The following MYO1D variants were observed in gnomAD, a reference collection of about 807,000 sequenced individuals.
The protein encoded by MYO1D is unconventional myosin-Id.
MYO1D carries 83 observed loss-of-function variants against 122.0 expected under a neutral mutation model. The ratio of observed to expected loss-of-function variants is 0.68; its 90% CI spans 0.57 to 0.82. The LOEUF (loss-of-function observed/expected upper bound fraction) is 0.82. Among genes scored for constraint, MYO1D ranks in the 40% least tolerant of loss-of-function variants. The pLI is 0.00. For missense variants in MYO1D, 1,157 were observed against 1,269.5 expected, an observed-to-expected ratio of 0.91 and a Z score of 1.35; for synonymous variants, 464 against 446.9, an observed-to-expected ratio of 1.04 and a Z score of -0.48.
chr17:32,725,342 AACCCCGT>A (rs2089559039), intron 14 of MYO1D, among the ~76,000 whole-genome samples: 1 of 152,030 alleles, frequency 6.6e-6, no homozygotes, highest in African/African-American at 2.4e-5. Context: ...AACATGGTGA[AACCCCGT>A]TTCTACTAAA....
intron 1 of MYO1D, among the ~76,000 whole-genome samples, chr17:32,809,020 C>T (rs1030159363): frequency 5.9e-5 from 9 of 151,750 alleles, no homozygotes; most frequent in Non-Finnish European, 1.3e-4. Context: ...CACATGCACA[C>T]ACATATGTAT....
chr17:32,619,587 TA>T (rs2087828456), intron 20 of MYO1D, among the ~76,000 whole-genome samples: 1 of 152,180 alleles, frequency 6.6e-6, no homozygotes, highest in Non-Finnish European at 1.5e-5. Flanking sequence ...CTGCAGTTTG[TA>T]AAAGCTCCCC....
In MYO1D at chr17:32,574,087, C is replaced by T. The variant is rs868183508; in HGVS notation, c.2864+31000G>A. Among the ~76,000 whole-genome samples the T allele has an allele frequency of 1.0e-4, 15 of 150,096 alleles. No homozygotes were observed. In the South Asian group the frequency reaches 1.9e-3, roughly 19 times the overall value. On this transcript the variant is annotated intron_variant, in intron 21 of 21. Coordinates refer to ENST00000318217, the MANE Select transcript of MYO1D (RefSeq NM_015194.3). ...CAGGATGGTCTCGATCTCCTGACCTCGTGATCCGTCCGCCTCAGCCTCCCA... is the reference window on the plus strand; with the variant it reads ...CAGGATGGTCTCGATCTCCTGACCTTGTGATCCGTCCGCCTCAGCCTCCCA...
chr17:32,781,954 G>C (rs1035319), intron 1 of MYO1D, among the ~76,000 whole-genome samples: 4,136 of 152,266 alleles, frequency 0.027, 136 homozygotes, highest in East Asian at 0.19. Context: ...TACCAGCTGA[G>C]AGATACTGGT....
intron 14 of MYO1D, among the ~76,000 whole-genome samples, chr17:32,726,157 G>A (rs956132823): frequency 2.6e-5 from 4 of 152,160 alleles, no homozygotes; most frequent in East Asian, 1.9e-4. Context: ...AGTGGCTCAC[G>A]CCTGTAATCC....
At chr17:32,731,256 C>T (rs1310913304) in intron 14 of MYO1D, among the ~76,000 whole-genome samples, 1 of 152,178 alleles carries the variant, frequency 6.6e-6, no homozygotes, top group African/African-American at 2.4e-5. Context: ...AAGTGGAATT[C>T]TGGATAATCC....
chr17:32,721,271 T>C (rs1196745441), intron 14 of MYO1D, 82 bp from the exon 15 acceptor site: 2 of 1,313,730 alleles, frequency 1.5e-6, no homozygotes, highest in Non-Finnish European at 2.1e-6. Context: ...TTAGTGTTAA[T>C]TGTGTCAAGT....
At chr17:32,623,691 G>C (rs1159352727) in intron 20 of MYO1D, among the ~76,000 whole-genome samples, 1 of 152,116 alleles carries the variant, frequency 6.6e-6, no homozygotes, top group Non-Finnish European at 1.5e-5. Flanking sequence ...AGTCCATTTA[G>C]GTGGCTATGA....
intron 21 of MYO1D, among the ~76,000 whole-genome samples, chr17:32,500,802 C>T (rs1352277330): frequency 2.0e-5 from 3 of 152,046 alleles, no homozygotes; most frequent in African/African-American, 7.2e-5. Flanking sequence ...GTCAGGAGAT[C>T]GAGACCATCC....
intron 4 of MYO1D, among the ~76,000 whole-genome samples, chr17:32,773,433 G>A (rs1001987008): frequency 5.9e-5 from 9 of 152,084 alleles, no homozygotes; most frequent in Non-Finnish European, 1.2e-4. Flanking sequence ...ACACTCCATT[G>A]GTGTCTGATC....
At chr17:32,534,165 A>T (rs1379203659) in intron 21 of MYO1D, among the ~76,000 whole-genome samples, 2 of 152,152 alleles carry the variant, frequency 1.3e-5, no homozygotes, top group African/African-American at 4.8e-5. Context: ...TTACATTTTT[A>T]AAATTAATTA....
chr17:32,565,064 C>T (rs143073328), intron 21 of MYO1D, among the ~76,000 whole-genome samples: 73 of 152,248 alleles, frequency 4.8e-4, no homozygotes, highest in African/African-American at 1.4e-3. Context: ...AGTGTAGTGG[C>T]GCAATCTCAG....
At chr17:32,843,006 A>G (rs1567668238) in intron 1 of MYO1D, among the ~76,000 whole-genome samples, 1 of 148,428 alleles carries the variant, frequency 6.7e-6, no homozygotes, top group Non-Finnish European at 1.5e-5. Flanking sequence ...CTCCTGTCTC[A>G]GCCTCCCAAG....
intron 1 of MYO1D, among the ~76,000 whole-genome samples, chr17:32,870,934 G>C (rs2091173524): frequency 6.6e-6 from 1 of 152,232 alleles, no homozygotes; most frequent in Non-Finnish European, 1.5e-5. Flanking sequence ...GGATTCCATA[G>C]GTTGGTGAGG....
chr17:32,637,366 A>G (rs1326873999), intron 20 of MYO1D, among the ~76,000 whole-genome samples: 2 of 152,208 alleles, frequency 1.3e-5, no homozygotes, highest in Non-Finnish European at 2.9e-5. Flanking sequence ...TAAGAAGACT[A>G]TATATAATCA....
At chr17:32,668,377 G>A (rs1178458827) in intron 16 of MYO1D, among the ~76,000 whole-genome samples, 1 of 152,196 alleles carries the variant, frequency 6.6e-6, no homozygotes, top group Non-Finnish European at 1.5e-5. Context: ...GACCTTGTGT[G>A]ACAAATGCCC....
intron 16 of MYO1D, among the ~76,000 whole-genome samples, chr17:32,659,953 A>G (rs186991334): frequency 6.6e-6 from 1 of 152,342 alleles, no homozygotes; most frequent in East Asian, 1.9e-4. Context: ...AAACGCCTCA[A>G]TGCCAACTTC....
chr17:32,542,222 G>C (rs912023429), intron 21 of MYO1D, among the ~76,000 whole-genome samples: 1 of 152,168 alleles, frequency 6.6e-6, no homozygotes, highest in Non-Finnish European at 1.5e-5. Context: ...CCACCGGGCC[G>C]ACAGAGGATT....
intron 1 of MYO1D, among the ~76,000 whole-genome samples, chr17:32,861,518 G>A (rs1046564937): frequency 6.6e-6 from 1 of 152,168 alleles, no homozygotes; most frequent in African/African-American, 2.4e-5. Flanking sequence ...TTAAAAATGT[G>A]TTGTCACCCT....
Sources: allele counts gnomAD v4.1 joint callset (sites outside exome capture counted in the v4.1 genomes callset), GRCh38; gene constraint gnomAD v4.1.1; transcripts MANE v1.5; gene names NCBI Gene and HGNC (gene_info 2026-07-23, HGNC 2026-07-21).